The following SOD2 variants were observed in gnomAD, a reference collection of about 807,000 sequenced individuals.
SOD2 encodes the protein superoxide dismutase 2.
A neutral mutation model predicts 27.0 loss-of-function variants in SOD2; 11 were observed. The observed-to-expected ratio is 0.41, with a 90% CI of 0.26 to 0.67. The LOEUF is 0.67. Among genes scored for constraint, SOD2 ranks in the 30% least tolerant of loss-of-function variants. SOD2 has a pLI of 0.34. For missense variants in SOD2, 250 were observed against 274.5 expected, an observed-to-expected ratio of 0.91 and a Z score of 0.63; for synonymous variants, 105 against 103.0, an observed-to-expected ratio of 1.02 and a Z score of -0.12.
intron 1 of SOD2, among the ~76,000 whole-genome samples, chr6:159,707,543 T>C (rs139926855): frequency 1.3e-5 from 2 of 151,928 alleles, no homozygotes; most frequent in Admixed American, 6.6e-5. Context: ...CCAGGACACA[T>C]ACACCCTCCC....
intron 1 of SOD2, among the ~76,000 whole-genome samples, chr6:159,716,124 C>G (rs1451329319): frequency 6.6e-6 from 1 of 152,196 alleles, no homozygotes; most frequent in Non-Finnish European, 1.5e-5. Flanking sequence ...GGCACCTCTC[C>G]ATTTTATTTC....
intron 1 of SOD2, chr6:159,743,935 T>C (rs911032131): frequency 5.4e-5 from 52 of 968,936 alleles, no homozygotes; most frequent in Non-Finnish European, 6.9e-5. Context: ...TTAAGAATAC[T>C]AGATGAAAAA....
intron 1 of SOD2, chr6:159,755,131 T>G (rs1337799029): frequency 3.1e-6 from 5 of 1,614,038 alleles, no homozygotes; most frequent in Non-Finnish European, 4.2e-6. Flanking sequence ...AGCAGTTGGC[T>G]CAGTACCAGC....
At chr6:159,714,724 C>G (rs1341787529) in intron 1 of SOD2, among the ~76,000 whole-genome samples, 2 of 152,348 alleles carry the variant, frequency 1.3e-5, no homozygotes, top group East Asian at 3.9e-4. Context: ...GCATTTTCAT[C>G]AGAAGCCTTT....
At chr6:159,736,816 A>G (rs1302010695) in intron 1 of SOD2, 1 of 152,718 alleles carries the variant, frequency 6.5e-6, no homozygotes, top group African/African-American at 2.4e-5. Flanking sequence ...GAGTTTAATT[A>G]CTCTTACATA....
At chr6:159,716,930 C>A (rs1777931111) in intron 1 of SOD2, among the ~76,000 whole-genome samples, 1 of 152,178 alleles carries the variant, frequency 6.6e-6, no homozygotes, top group Admixed American at 6.5e-5. Context: ...AGAGGAGGAA[C>A]ATGGCTCCCA....
chr6:159,714,674 C>T (rs1270525863), intron 1 of SOD2, among the ~76,000 whole-genome samples: 2 of 152,214 alleles, frequency 1.3e-5, no homozygotes, highest in African/African-American at 4.8e-5. Flanking sequence ...GATAAGCCTA[C>T]CCTGGTGTCC....
upstream of SOD2, among the ~76,000 whole-genome samples, chr6:159,745,651 A>C (rs1779531689): frequency 6.6e-6 from 1 of 152,130 alleles, no homozygotes; most frequent in African/African-American, 2.4e-5. Flanking sequence ...GGTATTCTAG[A>C]AGAGAGGGGA....
chr6:159,683,519 C>T (rs1157685135), intron 4 of SOD2, among the ~76,000 whole-genome samples: 2 of 152,102 alleles, frequency 1.3e-5, no homozygotes, highest in African/African-American at 2.4e-5. Context: ...AATTATAGCT[C>T]TCTCTACAAA....
At chr6:159,761,968 A>C (rs1208517754) in exon 1 of SOD2, 1 of 1,119,024 alleles carries the variant, frequency 8.9e-7, no homozygotes, top group Non-Finnish European at 1.3e-6. Flanking sequence ...GTGCGCGGGG[A>C]GGTGGAGGGC....
intron 1 of SOD2, among the ~76,000 whole-genome samples, chr6:159,759,063 C>CT (rs530379827): frequency 0.062 from 8,851 of 142,800 alleles, 279 homozygotes; most frequent in African/African-American, 0.075. Context: ...TATTTTATTT[C>CT]TTTTTTTTTT....
intron 1 of SOD2, chr6:159,756,066 C>T (rs1780003277): frequency 6.4e-6 from 1 of 155,070 alleles, no homozygotes; most frequent in African/African-American, 2.4e-5. Context: ...CAAGTTTGCC[C>T]AGTACAGTAG....
intron 1 of SOD2, chr6:159,713,713 A>G (rs1777873228): frequency 2.2e-6 from 2 of 901,396 alleles, no homozygotes; most frequent in Non-Finnish European, 3.7e-6. Context: ...TTCGATACCC[A>G]ATCCATTTCA....
chr6:159,754,951 CT>C, intron 1 of SOD2: 1 of 1,411,144 alleles, frequency 7.1e-7, no homozygotes, highest in South Asian at 1.5e-5. Flanking sequence ...GACTCCCTTG[CT>C]TTGTGGCAGG....
chr6:159,759,705 C>A (rs1175942004), intron 1 of SOD2, among the ~76,000 whole-genome samples: 4 of 151,824 alleles, frequency 2.6e-5, no homozygotes, highest in African/African-American at 7.3e-5. Context: ...TTCCTTCATT[C>A]ATTATTCTTA....
At chr6:159,687,101 A>G (rs1780225737) in intron 3 of SOD2, among the ~76,000 whole-genome samples, 1 of 152,218 alleles carries the variant, frequency 6.6e-6, no homozygotes, top group Non-Finnish European at 1.5e-5. Context: ...TTCTCAAAAC[A>G]ACACCATTGT....
At chr6:159,722,517 C>T (rs969393711) in intron 1 of SOD2, among the ~76,000 whole-genome samples, 1 of 152,220 alleles carries the variant, frequency 6.6e-6, no homozygotes, top group African/African-American at 2.4e-5. Context: ...TTCTCATTCT[C>T]TCTTCTCTGT....
intron 1 of SOD2, among the ~76,000 whole-genome samples, chr6:159,708,484 C>T (rs939580168): frequency 4.6e-5 from 7 of 152,106 alleles, no homozygotes; most frequent in African/African-American, 1.2e-4. Flanking sequence ...AACAGACAAA[C>T]GGAGAACAAA....
upstream of SOD2, among the ~76,000 whole-genome samples, chr6:159,693,732 G>A (rs989199471): frequency 6.6e-5 from 10 of 152,206 alleles, no homozygotes; most frequent in African/African-American, 1.4e-4. Context: ...CCGTTCCTAG[G>A]GAAGACGGGG....
Sources: allele counts gnomAD v4.1 joint callset (sites outside exome capture counted in the v4.1 genomes callset), GRCh38; gene constraint gnomAD v4.1.1; transcripts MANE v1.5; gene names NCBI Gene and HGNC (gene_info 2026-07-23, HGNC 2026-07-21).